ADAM32: variants seen among roughly 807,000 people sequenced by gnomAD.
ADAM32 encodes the protein ADAM metallopeptidase domain 32.
In ADAM32, 89 loss-of-function variants were observed where a neutral mutation model predicts 114.9. That is an observed-to-expected ratio of 0.77 (90% CI 0.65 to 0.92). The LOEUF is 0.92. ADAM32 is among the 40% of genes least tolerant of loss of function. The pLI is 0.00. For missense variants in ADAM32, 870 were observed against 932.8 expected (o/e 0.93, Z 0.88); for synonymous variants, 285 against 307.5 (o/e 0.93, Z 0.77).
intron 2 of ADAM32, chr8:39,129,955 CTT>C (rs71552835): frequency 0.034 from 8,306 of 241,356 alleles, no homozygotes; most frequent in South Asian, 0.061. Flanking sequence ...ATCACATTTC[CTT>C]TTTTTTTTTT....
chr8:39,144,216 C>T (rs1803356606), intron 3 of ADAM32, among the ~76,000 whole-genome samples: 1 of 152,194 alleles, frequency 6.6e-6, no homozygotes, highest in Admixed American at 6.5e-5. Context: ...AGCTTTCCCT[C>T]CGTGGGCTGT....
rs142076856 is a variant in ADAM32, at chr8:39,216,649, A to G, written c.1234-4961A>G. Among the ~76,000 whole-genome samples, 5 of 152,142 alleles carry G rather than the reference A, an allele frequency of 3.3e-5. No individual in the cohort carries two copies. In the East Asian group the frequency reaches 9.6e-4, roughly 29 times the overall value. ...ATTTGAGGTTAGCATGAGACTAGCAAATACTATCTTCTAGCCCATTATTTT... is the reference window on the plus strand; with the variant it reads ...ATTTGAGGTTAGCATGAGACTAGCAGATACTATCTTCTAGCCCATTATTTT... On this transcript the variant is annotated intron_variant, in intron 12 of 24. Transcript: ENST00000379907.
At position 39,250,711 on chromosome 8, in the gene ADAM32, A is replaced by G. The variant is rs377013379; in HGVS notation, c.1903-3703A>G. Among the ~76,000 whole-genome samples, 49 of 152,100 alleles carry G rather than the reference A, an allele frequency of 3.2e-4. No homozygotes were observed. The East Asian group carries it at 8.3e-3, about 26-fold the overall frequency. ...ATTTATTTTTCTAGCTATTTTTGAAATATACAATAGGTTATTTTAAACTCT... is the reference window on the plus strand; with the variant it reads ...ATTTATTTTTCTAGCTATTTTTGAAGTATACAATAGGTTATTTTAAACTCT... On this transcript the variant is annotated intron_variant, in intron 17 of 24. Coordinates refer to ENST00000379907, the MANE Select transcript of ADAM32 (RefSeq NM_145004.7).
chr8:39,140,396 G>A (rs1803073176), intron 3 of ADAM32, among the ~76,000 whole-genome samples: 1 of 152,142 alleles, frequency 6.6e-6, no homozygotes, highest in Non-Finnish European at 1.5e-5. Flanking sequence ...GGCCTTTTCT[G>A]CATCTATTGA....
intron 19 of ADAM32, among the ~76,000 whole-genome samples, chr8:39,258,728 G>GT (rs1385086633): frequency 2.6e-5 from 4 of 151,926 alleles, no homozygotes; most frequent in Non-Finnish European, 2.9e-5. Context: ...TACATACTGG[G>GT]TTTTTTTCCT....
chr8:39,262,029 A>G (rs994690463), intron 19 of ADAM32, among the ~76,000 whole-genome samples: 4 of 152,116 alleles, frequency 2.6e-5, no homozygotes, highest in African/African-American at 9.7e-5. Context: ...TGCTGTGCAG[A>G]CACTTTTTAA....
intron 1 of ADAM32, among the ~76,000 whole-genome samples, chr8:39,112,313 A>C (rs1164113562): frequency 6.6e-6 from 1 of 152,150 alleles, no homozygotes; most frequent in Non-Finnish European, 1.5e-5. Context: ...TTGGATATTA[A>C]TCATTTTATT....
chr8:39,227,085 A>T (rs903600888), intron 14 of ADAM32, among the ~76,000 whole-genome samples: 3 of 152,156 alleles, frequency 2.0e-5, no homozygotes, highest in African/African-American at 7.2e-5. Context: ...CTCCAAATCA[A>T]CTGCAAGAAC....
At chr8:39,141,530 TTTGA>T (rs1803153041) in intron 3 of ADAM32, among the ~76,000 whole-genome samples, 1 of 152,198 alleles carries the variant, frequency 6.6e-6, no homozygotes, top group Non-Finnish European at 1.5e-5. Context: ...TGAGTTCTAA[TTTGA>T]TTGCACTGTG....
At chr8:39,195,840 A>G (rs187032077) in intron 11 of ADAM32, among the ~76,000 whole-genome samples, 1 of 152,248 alleles carries the variant, frequency 6.6e-6, no homozygotes, top group East Asian at 1.9e-4. Flanking sequence ...TTGTGGTTCC[A>G]TATTAATTTT....
intron 23 of ADAM32, among the ~76,000 whole-genome samples, chr8:39,281,651 C>T (rs149464239): frequency 3.7e-3 from 571 of 152,304 alleles, no homozygotes; most frequent in South Asian, 7.9e-3. Context: ...CCCACAGATC[C>T]TCAATGTCCC....
At chr8:39,244,608 G>A (rs1038376308) in intron 16 of ADAM32, among the ~76,000 whole-genome samples, 17 of 152,186 alleles carry the variant, frequency 1.1e-4, no homozygotes, top group African/African-American at 4.1e-4. Flanking sequence ...GTAGAAAAAT[G>A]AAACTGGATC....
intron 3 of ADAM32, among the ~76,000 whole-genome samples, chr8:39,137,367 C>T (rs775567213): frequency 2.0e-5 from 3 of 152,070 alleles, no homozygotes; most frequent in Non-Finnish European, 4.4e-5. Context: ...TTTTCAAAAA[C>T]ATCCCTCAGA....
chr8:39,219,468 G>A (rs1479465042), intron 12 of ADAM32, among the ~76,000 whole-genome samples: 1 of 152,162 alleles, frequency 6.6e-6, no homozygotes, highest in Non-Finnish European at 1.5e-5. Flanking sequence ...GGCTAGGGCT[G>A]GTTTATATGC....
At chr8:39,254,282 C>A (rs2129450494) in intron 17 of ADAM32, 132 bp from the exon 18 acceptor site, 45 of 455,980 alleles carry the variant, frequency 9.9e-5, no homozygotes, top group Non-Finnish European at 1.3e-4. Flanking sequence ...AGAAACCAAA[C>A]ATTTGATATG....
chr8:39,110,791 C>T (rs1840125128), intron 1 of ADAM32, among the ~76,000 whole-genome samples: 1 of 152,148 alleles, frequency 6.6e-6, no homozygotes, highest in African/African-American at 2.4e-5. Context: ...AATGAAAATG[C>T]CAGCTCCAAA....
chr8:39,201,079 T>G (rs988190072), intron 11 of ADAM32, among the ~76,000 whole-genome samples: 2 of 152,206 alleles, frequency 1.3e-5, no homozygotes, highest in African/African-American at 4.8e-5. Flanking sequence ...CTTTGTTCTT[T>G]TGGCTTAAGA....
chr8:39,165,162 A>G lies in ADAM32; in HGVS notation c.799A>G (p.Asn267Asp). The stretch of plus-strand genomic sequence containing the variant: ...TTTAGAATGGAAACAATCTTATCTT[A>G]ACCTAAGGCCTCATGATATTGCATA... Reference protein sequence around the residue: ...KFLEWKQSYLNLRPHDIAYLL... With the variant: ...KFLEWKQSYLDLRPHDIAYLL... Residue 267 changes from asparagine (N) to aspartate (D), a missense_variant, in exon 9 of 25, where the codon AAC (asparagine) becomes GAC (aspartate). Coordinates refer to ENST00000379907, the MANE Select transcript of ADAM32 (RefSeq NM_145004.7). 6.3e-7 allele frequency: 1 copy of G among 1,592,298 alleles called. No individual in the cohort carries two copies. The highest frequency in any genetic ancestry group is 8.6e-7 in the Non-Finnish European group (1 of 1,165,086).
chr8:39,237,374 T>C (rs1462403539), intron 16 of ADAM32, among the ~76,000 whole-genome samples: 5 of 148,818 alleles, frequency 3.4e-5, no homozygotes, highest in African/African-American at 4.9e-5. Context: ...TGTGGTGGGG[T>C]GAACAAGAAG....
Sources: gnomAD v4.1 joint callset for allele counts (sites outside exome capture counted in the v4.1 genomes callset) on GRCh38, gnomAD v4.1.1 for gene constraint, MANE v1.5 for transcripts, NCBI Gene and HGNC (gene_info 2026-07-23, HGNC 2026-07-21) for gene names.